ALDH2: variants seen among roughly 807,000 people sequenced by gnomAD.
ALDH2 encodes the protein aldehyde dehydrogenase, mitochondrial.
A neutral mutation model predicts 59.6 loss-of-function variants in ALDH2; 44 were observed. That is an observed-to-expected ratio of 0.74 (90% CI 0.58 to 0.95). The LOEUF (loss-of-function observed/expected upper bound fraction) is 0.95, where lower values mean the gene tolerates loss of function less well. Among genes scored for constraint, ALDH2 ranks in the 40% least tolerant of loss-of-function variants. The probability of loss-of-function intolerance (pLI) is 0.00; values close to 1 mark genes in which losing one functional copy is unlikely to be tolerated. For missense variants in ALDH2, 570 were observed against 696.3 expected, an observed-to-expected ratio of 0.82 and a Z score of 2.04; for synonymous variants, 291 against 284.0, an observed-to-expected ratio of 1.02 and a Z score of -0.25.
chr12:111,789,519 GA>G lies in ALDH2; in HGVS notation c.441-292del, dbSNP rs377190726. Among the ~76,000 whole-genome samples the G allele has an allele frequency of 9.9e-3, 1,417 of 143,762 alleles. 14 individuals are homozygous for G. The highest frequency in any genetic ancestry group is 0.011 in the Non-Finnish European group (722 of 65,158). 94.3% of individuals were successfully genotyped at this position (143,762 alleles called of 152,430 possible). On this transcript the variant is annotated intron_variant, in intron 4 of 12. Coordinates refer to ENST00000261733, the MANE Select transcript of ALDH2 (RefSeq NM_000690.4). ...AAAAAAAAAAAGAAAAGAAAAGAAA[GA>G]AAAAAAAAAAATCTAATTCCTGGGC...
intron 1 of ALDH2, among the ~76,000 whole-genome samples, chr12:111,776,410 G>A (rs2068235906): frequency 6.6e-6 from 1 of 152,066 alleles, no homozygotes; most frequent in Non-Finnish European, 1.5e-5. Flanking sequence ...TACTCGATGA[G>A]GCATCTGGGA....
rs150789517 is a variant in ALDH2 at position 111,785,506 on chromosome 12, G to T, written c.440+160G>T. On this transcript the variant is annotated intron_variant, in intron 4 of 12. Transcript: ENST00000261733. ...TGGGAGGCTGAGCCAGGTGGATTAC[G>T]TGAGGTCAAGAGTTTGAGACCAGCC... Among the ~76,000 whole-genome samples the T allele has an allele frequency of 1.3e-3, 205 of 152,156 alleles. 1 individual carries two copies. Among genetic ancestry groups the T allele is most frequent in the African/African-American group, 4.8e-3 (198 of 41,514 alleles).
intron 12 of ALDH2, among the ~76,000 whole-genome samples, chr12:111,809,065 G>C (rs968923758): frequency 1.3e-5 from 2 of 152,140 alleles, no homozygotes; most frequent in Non-Finnish European, 2.9e-5. Flanking sequence ...GTGATGTGGA[G>C]AACACATCTA....
At chr12:111,786,977 G>A (rs914210848) in intron 4 of ALDH2, among the ~76,000 whole-genome samples, 2 of 152,064 alleles carry the variant, frequency 1.3e-5, no homozygotes, top group African/African-American at 2.4e-5. Context: ...GGCTGAGGCG[G>A]GTGGATCATT....
chr12:111,773,016 T>TG (rs1055363157), intron 1 of ALDH2, among the ~76,000 whole-genome samples: 1 of 144,786 alleles, frequency 6.9e-6, no homozygotes, highest in Admixed American at 6.9e-5. Context: ...CCCAGCACCT[T>TG]GGGAGGCCGA....
At chr12:111,802,196 G>T (rs1208470739) in intron 11 of ALDH2, among the ~76,000 whole-genome samples, 1 of 152,072 alleles carries the variant, frequency 6.6e-6, no homozygotes, top group Non-Finnish European at 1.5e-5. Flanking sequence ...GGTGGAACAT[G>T]ATGTCAGGAG....
Position 111,805,752 on chromosome 12 carries a change from C to T in ALDH2, c.1521+1779C>T, listed in dbSNP as rs572232925. On this transcript the variant is annotated intron_variant, in intron 12 of 12. Transcript: ENST00000261733. ...TTATTAAAAACAAAATGGCCGGGCGCGGTGGCTCACGCGTATAATCCCAGC... is the reference window on the plus strand; with the variant it reads ...TTATTAAAAACAAAATGGCCGGGCGTGGTGGCTCACGCGTATAATCCCAGC... Among the ~76,000 whole-genome samples, 25 of 152,280 alleles carry T rather than the reference C, an allele frequency of 1.6e-4. 1 individual carries two copies. In the South Asian group the frequency reaches 4.4e-3, roughly 27 times the overall value.
At position 111,769,194 on chromosome 12, in the gene ALDH2, G is replaced by A. The variant is rs542242422; in HGVS notation, c.114+2098G>A. The stretch of plus-strand genomic sequence containing the variant: ...TCCCTGTGGCTGCTTTTCTTTATCA[G>A]ACTTTTTGAGATCATTAAAGTAACA... On this transcript the variant is annotated intron_variant, in intron 1 of 12. Coordinates refer to ENST00000261733, the MANE Select transcript of ALDH2 (RefSeq NM_000690.4). Among the ~76,000 whole-genome samples the A allele has an allele frequency of 7.2e-5, 11 of 152,236 alleles. No individual in the cohort carries two copies. In the South Asian group the frequency reaches 2.3e-3, roughly 32 times the overall value.
chr12:111,813,747 A>G lies in ALDH2; in HGVS notation c.*4172A>G, dbSNP rs2068551803. 6.6e-6 allele frequency: 1 copy of G among 152,212 alleles called. No individual in the cohort carries two copies. Among genetic ancestry groups the G allele is most frequent in the African/African-American group, 2.4e-5 (1 of 41,456 alleles). The allele number at this position is 152,212 out of a possible 1,614,324, so 9.4% of individuals were successfully genotyped here. Reference sequence around the variant, plus strand: ...GGACTGTATGATTTCACTTATAGGAAATATCCAGAACAGGCAAATCTATAT... The same window carrying G: ...GGACTGTATGATTTCACTTATAGGAGATATCCAGAACAGGCAAATCTATAT... On this transcript the variant is annotated 3_prime_UTR_variant, in exon 13 of 13. Transcript: ENST00000261733.
intron 1 of ALDH2, among the ~76,000 whole-genome samples, chr12:111,769,590 A>G (rs567683546): frequency 7.0e-4 from 106 of 151,328 alleles, no homozygotes; most frequent in African/African-American, 2.6e-3. Flanking sequence ...TTTTTTTAAC[A>G]TAAATGAGAT....
chr12:111,801,372 C>T (rs1408018189), intron 11 of ALDH2, among the ~76,000 whole-genome samples: 1 of 152,130 alleles, frequency 6.6e-6, no homozygotes, highest in Admixed American at 6.5e-5. Flanking sequence ...CATGCAATAG[C>T]ATGGATTAAT....
At chr12:111,790,264 C>T (rs767984978) in intron 5 of ALDH2, among the ~76,000 whole-genome samples, 170 bp from the exon 6 acceptor site, 5 of 152,130 alleles carry the variant, frequency 3.3e-5, no homozygotes, top group Non-Finnish European at 7.3e-5. Context: ...CGTTGTGCAC[C>T]GCCTGCCTCA....
intron 1 of ALDH2, among the ~76,000 whole-genome samples, chr12:111,774,323 TC>T (rs1462124951): frequency 6.6e-6 from 1 of 152,138 alleles, no homozygotes; most frequent in African/African-American, 2.4e-5. Context: ...TGTGTGGCAT[TC>T]CGTGTTTGTC....
In ALDH2 at chr12:111,812,310, A is replaced by G. The variant is rs2068541676; in HGVS notation, c.*2735A>G. ...TCATATATAATCATGTCTGTGATCT[A>G]GATCTAGTATAACTCTTGTTGTTTT... On this transcript the variant is annotated 3_prime_UTR_variant, in exon 13 of 13. Transcript: ENST00000261733. 6.6e-6 allele frequency: 1 copy of G among 152,158 alleles called. No individual in the cohort carries two copies. Among genetic ancestry groups the G allele is most frequent in the Admixed American group, 6.6e-5 (1 of 15,262 alleles). The allele number at this position is 152,158 out of a possible 1,614,324, so 9.4% of individuals were successfully genotyped here.
intron 1 of ALDH2, among the ~76,000 whole-genome samples, chr12:111,772,978 G>A (rs999712455): frequency 6.6e-6 from 1 of 151,116 alleles, no homozygotes; most frequent in Non-Finnish European, 1.5e-5. Flanking sequence ...ATTTAGGCAG[G>A]CTGGGTGTGG....
Position 111,810,595 on chromosome 12 carries a change from A to G in ALDH2, c.*1020A>G, listed in dbSNP as rs2068528591. On this transcript the variant is annotated 3_prime_UTR_variant, in exon 13 of 13. Coordinates refer to ENST00000261733, the MANE Select transcript of ALDH2 (RefSeq NM_000690.4). ...AGAGGGGAGAGATACTGAATGTCCAATGTTCTCAAATTTTTTTTTTTTTTT... is the reference window on the plus strand; with the variant it reads ...AGAGGGGAGAGATACTGAATGTCCAGTGTTCTCAAATTTTTTTTTTTTTTT... The G allele has an allele frequency of 6.6e-6, 1 of 151,388 alleles. No homozygotes were observed. Among genetic ancestry groups the G allele is most frequent in the Admixed American group, 6.6e-5 (1 of 15,166 alleles). 9.4% of individuals were successfully genotyped at this position (151,388 alleles called of 1,614,324 possible). A position where few individuals can be genotyped will look rare whatever the true frequency, so the allele number is the denominator to read the frequency against.
intron 1 of ALDH2, 90 bp from the exon 2 acceptor site, chr12:111,781,828 C>A (rs1026285037): frequency 2.0e-6 from 2 of 991,532 alleles, no homozygotes; most frequent in Non-Finnish European, 1.5e-6. Context: ...TTCATATTTG[C>A]TTTTTCTTGT....
intron 1 of ALDH2, among the ~76,000 whole-genome samples, chr12:111,778,231 T>A (rs897973827): frequency 8.5e-5 from 13 of 152,248 alleles, no homozygotes; most frequent in African/African-American, 3.1e-4. Context: ...TTGTCCCATG[T>A]GACAAAATCA....
intron 4 of ALDH2, among the ~76,000 whole-genome samples, chr12:111,788,040 GA>G (rs1027094927): frequency 8.9e-5 from 13 of 145,260 alleles, no homozygotes; most frequent in Non-Finnish European, 1.8e-4. Context: ...CTCTGTCTCA[GA>G]AAAAAAAATA....
Sources: allele counts gnomAD v4.1 joint callset (sites outside exome capture counted in the v4.1 genomes callset), GRCh38; gene constraint gnomAD v4.1.1; transcripts MANE v1.5; gene names NCBI Gene and HGNC (gene_info 2026-07-23, HGNC 2026-07-21).